SUGP2: variants seen among roughly 807,000 people sequenced by gnomAD.
The protein encoded by SUGP2 is SURP and G-patch domain containing 2, also known as SURP and G-patch domain-containing protein 2.
Under a neutral mutation model 90.5 loss-of-function variants are expected in SUGP2, and 24 were observed. That is an observed-to-expected ratio of 0.27 (90% CI 0.19 to 0.37). The LOEUF is 0.37. Among genes scored for constraint, SUGP2 ranks in the 10% least tolerant of loss-of-function variants. The pLI, the probability that SUGP2 is intolerant of heterozygous loss-of-function variation, is 1.00. For synonymous variants in SUGP2, 473 were observed against 513.4 expected, an observed-to-expected ratio of 0.92 and a Z score of 1.06; for missense variants, 1,233 against 1,363.3, an observed-to-expected ratio of 0.90 and a Z score of 1.51.
intron 6 of SUGP2, among the ~76,000 whole-genome samples, chr19:19,005,334 A>G (rs1299841340): frequency 6.6e-6 from 1 of 152,202 alleles, no homozygotes; most frequent in Non-Finnish European, 1.5e-5. Flanking sequence ...TCAACCTCAT[A>G]AATGTGCCAA....
rs376771629 is a variant in SUGP2 at position 19,026,126 on chromosome 19, A to G, written c.222T>C (p.Asp74=). 29 of 1,613,942 alleles carry G rather than the reference A, an allele frequency of 1.8e-5. No individual in the cohort carries two copies. The highest frequency in any genetic ancestry group is 2.2e-5 in the Non-Finnish European group (26 of 1,180,016). Residue 74 remains aspartate, a synonymous_variant, in exon 3 of 11, where the codon GAT becomes GAC. Transcript: ENST00000452918. The part of the protein sequence containing the change: ...SLSGSVAHSR[D]AGREGLRSDV... ...CACTTCTCAGGCCTTCTCTTCCGGCATCTCTAGAGTGAGCTACAGATCCAC... is the reference window on the plus strand; with the variant it reads ...CACTTCTCAGGCCTTCTCTTCCGGCGTCTCTAGAGTGAGCTACAGATCCAC...
chr19:19,019,989 T>TAAAAAA (rs1159888413), intron 3 of SUGP2, among the ~76,000 whole-genome samples: 1 of 10,152 alleles, frequency 9.9e-5, no homozygotes, highest in Non-Finnish European at 2.0e-4. Context: ...TCTGCTAAAA[T>TAAAAAA]ACAAAAAAAA....
chr19:18,995,040 C>T (rs2057517433), intron 9 of SUGP2, 104 bp downstream of exon 9: 1 of 1,439,630 alleles, frequency 6.9e-7, no homozygotes, highest in South Asian at 1.2e-5. Flanking sequence ...CAAAAATCAA[C>T]TGCCAGCTGT....
Position 19,033,460 on chromosome 19 carries a change from C to G in SUGP2, c.-35G>C. 3 of 1,400,602 alleles carry G rather than the reference C, an allele frequency of 2.1e-6. No individual in the cohort carries two copies. Among genetic ancestry groups the G allele is most frequent in the Non-Finnish European group, 2.8e-6 (3 of 1,077,070 alleles). The allele number at this position is 1,400,602 out of a possible 1,614,324, so 86.8% of individuals were successfully genotyped here. ...ACCCCGAGACCACCGCGCGCGGAGC[C>G]ACCCCCGCCGCCGCCTCAGGCTCCT... On this transcript the variant is annotated 5_prime_UTR_variant, in exon 1 of 11. Coordinates refer to ENST00000452918, the MANE Select transcript of SUGP2 (RefSeq NM_001017392.5).
rs751514711 is a variant in SUGP2 at position 19,025,655 on chromosome 19, AG to A, written c.692del (p.Thr231IlefsTer17). 1 of 1,613,866 alleles carries A rather than the reference AG, an allele frequency of 6.2e-7. No homozygotes were observed. The highest frequency in any genetic ancestry group is 8.5e-7 in the Non-Finnish European group (1 of 1,179,974). ...QEGSLLGKGETQGLLTAKGGV... is the reference protein window; with the variant it reads ...QEGSLLGKGEXQGLLTAKGGV... ...CCCCCTTAGCTGTGAGCAGGCCCTG[AG>A]TCTCCCCCTTTCCTAGGAGGGAACC... On this transcript the variant is annotated frameshift_variant, in exon 3 of 11. Transcript: ENST00000452918. LOFTEE classifies it high-confidence loss of function.
intron 5 of SUGP2, among the ~76,000 whole-genome samples, chr19:19,009,409 C>A (rs561047124): frequency 1.3e-5 from 2 of 152,206 alleles, no homozygotes; most frequent in East Asian, 3.9e-4. Flanking sequence ...TGAAGTTAGT[C>A]GATTCGGAGG....
At chr19:19,017,021 G>A (rs2058523845) in intron 4 of SUGP2, among the ~76,000 whole-genome samples, 1 of 152,170 alleles carries the variant, frequency 6.6e-6, no homozygotes, top group Non-Finnish European at 1.5e-5. Context: ...ACATGGAAAT[G>A]TATGCCTTTC....
rs2058857130 is a variant in SUGP2, at chr19:19,024,732, C to T, written c.1616G>A (p.Gly539Glu). The T allele has an allele frequency of 6.2e-7, 1 of 1,614,212 alleles. No homozygotes were observed. Among genetic ancestry groups the T allele is most frequent in the Non-Finnish European group, 8.5e-7 (1 of 1,180,052 alleles). ...GGCTTTCTTAACCTGGAGGGGACAT[C>T]CGCTGCTGACTAGCCAGGCCTTCAG... is the stretch of plus-strand genomic sequence containing the variant. ...DHLKAWLVSS[G>E]CPLQVKKAEP... Residue 539 changes from glycine to glutamate, a missense_variant, in exon 3 of 11, where the codon GGA (glycine) becomes GAA (glutamate). Coordinates refer to ENST00000452918, the MANE Select transcript of SUGP2 (RefSeq NM_001017392.5).
intron 8 of SUGP2, among the ~76,000 whole-genome samples, chr19:18,998,601 T>C (rs1025730993): frequency 3.3e-5 from 5 of 151,548 alleles, no homozygotes; most frequent in Non-Finnish European, 5.9e-5. Flanking sequence ...CATGTGTGTG[T>C]GCGTGTGTGT....
At chr19:19,010,866 G>A (rs1353121897) in intron 4 of SUGP2, among the ~76,000 whole-genome samples, 3 of 152,124 alleles carry the variant, frequency 2.0e-5, no homozygotes, top group African/African-American at 7.2e-5. Context: ...TCAGCTGGGC[G>A]TGGTGGCTCA....
chr19:19,025,591 T>G lies in SUGP2; in HGVS notation c.757A>C (p.Lys253Gln). The G allele has an allele frequency of 1.9e-6, 3 of 1,614,072 alleles. No individual in the cohort carries two copies. The highest frequency in any genetic ancestry group is 2.5e-6 in the Non-Finnish European group (3 of 1,179,996). ...KLVTLRNVST[K>Q]KIPTVNRITP... is the part of the protein sequence containing the mutation. ...ATACGATTCACGGTGGGTATTTTTT[T>G]TGTGCTCACATTTCTCAATGTGACA... Residue 253 changes from lysine to glutamine, a missense_variant, in exon 3 of 11, where the codon AAA becomes CAA. Lys to Gln is a moderately conservative substitution (Grantham distance 53). Coordinates refer to ENST00000452918, the MANE Select transcript of SUGP2 (RefSeq NM_001017392.5).
chr19:19,031,136 G>A (rs1489019090), intron 1 of SUGP2, 54 bp from the exon 2 acceptor site: 12 of 1,575,174 alleles, frequency 7.6e-6, no homozygotes, highest in East Asian at 2.2e-5. Context: ...AGCTGGGCGC[G>A]GTGGCTCATA....
intron 4 of SUGP2, among the ~76,000 whole-genome samples, chr19:19,012,778 G>A (rs938810830): frequency 2.3e-4 from 35 of 152,112 alleles, no homozygotes; most frequent in African/African-American, 8.0e-4. Context: ...TTTGGATTAC[G>A]TCGTCTACGC....
chr19:19,031,061 C>T lies in SUGP2; in HGVS notation c.11G>A (p.Arg4Lys), dbSNP rs766992322. Residue 4 changes from arginine (R) to lysine (K), a missense_variant, in exon 2 of 11, where the codon AGA (arginine) becomes AAA (lysine). Coordinates refer to ENST00000452918, the MANE Select transcript of SUGP2 (RefSeq NM_001017392.5). MAA[R>K]RITQETFDAV... ...ATCAAAAGTCTCCTGTGTAATTCGT[C>T]TGGCTGCCATGTTATTTTGCCCTAT... is the stretch of plus-strand genomic sequence containing the variant. 12 of 1,611,928 alleles carry T rather than the reference C, an allele frequency of 7.4e-6. No individual in the cohort carries two copies. The Middle Eastern group carries it at 4.9e-4, about 66-fold the overall frequency.
At chr19:19,007,808 G>A (rs897515727) in intron 6 of SUGP2, among the ~76,000 whole-genome samples, 1 of 142,602 alleles carries the variant, frequency 7.0e-6, no homozygotes, top group Non-Finnish European at 1.5e-5. Flanking sequence ...TGCCCAGGCT[G>A]GAATGCAGTG....
intron 9 of SUGP2, 56 bp downstream of exon 9, chr19:18,995,088 G>C (rs749503975): frequency 6.3e-7 from 1 of 1,589,054 alleles, no homozygotes; most frequent in African/African-American, 1.3e-5. Flanking sequence ...GCGGCAGGCT[G>C]CAGGTGGAAG....
At position 19,004,429 on chromosome 19, in the gene SUGP2, C is replaced by T; in HGVS notation, c.2668G>A (p.Val890Met). 6.2e-7 allele frequency: 1 copy of T among 1,614,218 alleles called. No homozygotes were observed. The highest frequency in any genetic ancestry group is 8.5e-7 in the Non-Finnish European group (1 of 1,180,042). ...PREAELESPE[V>M]MPEEEDEDDE... ...TCCTCGTCCTCCTCCTCAGGCATCA[C>T]CTCTGGGCTCTCCAGCTCAGCCTCC... is the stretch of plus-strand genomic sequence containing the variant. Residue 890 changes from valine (V) to methionine (M), a missense_variant, in exon 7 of 11, where the codon GTG becomes ATG. By Grantham distance (21) the Val-to-Met change is conservative (BLOSUM62 1). Coordinates refer to ENST00000452918, the MANE Select transcript of SUGP2 (RefSeq NM_001017392.5).
chr19:19,033,265 C>G (rs1221124497), intron 1 of SUGP2, 172 bp downstream of exon 1: 1 of 687,540 alleles, frequency 1.5e-6, no homozygotes, highest in African/African-American at 1.9e-5. Flanking sequence ...GCGCCGGGCC[C>G]GGGAGGCCGC....
intron 6 of SUGP2, among the ~76,000 whole-genome samples, chr19:19,005,842 CAA>C (rs879891610): frequency 2.4e-3 from 101 of 41,944 alleles, no homozygotes; most frequent in South Asian, 3.9e-3. Context: ...ACCAGGCTAA[CAA>C]ACACACACAC....
Sources: allele counts gnomAD v4.1 joint callset (sites outside exome capture counted in the v4.1 genomes callset), GRCh38; gene constraint gnomAD v4.1.1; transcripts MANE v1.5; gene names NCBI Gene and HGNC (gene_info 2026-07-23, HGNC 2026-07-21).